RBFOX1: variants seen among roughly 807,000 people sequenced by gnomAD.
RBFOX1 encodes the protein RNA binding protein fox-1 homolog 1.
RBFOX1 carries 8 observed loss-of-function variants against 57.7 expected under a neutral mutation model. The observed-to-expected ratio is 0.14, with a 90% confidence interval of 0.08 to 0.25. The LOEUF (loss-of-function observed/expected upper bound fraction) is 0.25. Among genes scored for constraint, RBFOX1 ranks in the 10% least tolerant of loss-of-function variants. The pLI is 1.00. For missense variants in RBFOX1, 611 were observed against 548.5 expected (o/e 1.11, Z -1.14); for synonymous variants, 326 against 222.4 (o/e 1.47, Z -4.15).
intron 1 of RBFOX1, among the ~76,000 whole-genome samples, chr16:5,320,884 T>C (rs1210395791): frequency 1.3e-5 from 2 of 152,176 alleles, no homozygotes; most frequent in South Asian, 4.1e-4. Flanking sequence ...ACCATTACAT[T>C]CTGTCTCCTG....
intron 2 of RBFOX1, among the ~76,000 whole-genome samples, chr16:6,537,524 C>T (rs571579092): frequency 6.6e-6 from 1 of 152,106 alleles, no homozygotes; most frequent in Non-Finnish European, 1.5e-5. Flanking sequence ...GTGATGTGAT[C>T]GAGTTGCTGA....
chr16:6,060,953 C>G (rs2095677773), intron 1 of RBFOX1, among the ~76,000 whole-genome samples: 2 of 152,208 alleles, frequency 1.3e-5, no homozygotes, highest in Non-Finnish European at 2.9e-5. Flanking sequence ...CTGCCCTGAA[C>G]CCAGCCCTGC....
At chr16:5,791,188 G>T (rs149137374) in intron 3 of RBFOX1, among the ~76,000 whole-genome samples, 2 of 151,922 alleles carry the variant, frequency 1.3e-5, no homozygotes, top group Admixed American at 1.3e-4. Context: ...AATTTGTCAC[G>T]CATGACTCAG....
At chr16:7,349,141 A>G (rs757215731) in intron 4 of RBFOX1, among the ~76,000 whole-genome samples, 3 of 152,168 alleles carry the variant, frequency 2.0e-5, no homozygotes, top group Non-Finnish European at 4.4e-5. Flanking sequence ...ACACAAAACC[A>G]TCTCCTAGAG....
intron 1 of RBFOX1, among the ~76,000 whole-genome samples, chr16:6,034,331 CA>C (rs757260576): frequency 0.016 from 575 of 37,070 alleles, 1 homozygote; most frequent in African/African-American, 0.052. Flanking sequence ...GACTGTTGCG[CA>C]AAAAAAAAAA....
chr16:6,871,370 G>T (rs999459848), intron 3 of RBFOX1, among the ~76,000 whole-genome samples: 1 of 152,036 alleles, frequency 6.6e-6, no homozygotes, highest in Non-Finnish European at 1.5e-5. Flanking sequence ...ATTTTTAGTA[G>T]ACATAGGGTT....
chr16:7,006,709 A>G (rs930800846), intron 3 of RBFOX1, among the ~76,000 whole-genome samples: 3 of 152,116 alleles, frequency 2.0e-5, no homozygotes, highest in African/African-American at 4.8e-5. Flanking sequence ...TGGTCTCCCA[A>G]TGTGCTGGGA....
chr16:5,789,460 G>A (rs942116201), intron 3 of RBFOX1, among the ~76,000 whole-genome samples: 5 of 151,980 alleles, frequency 3.3e-5, no homozygotes, highest in African/African-American at 1.2e-4. Flanking sequence ...AGTGTGCATG[G>A]GCATGTATGG....
chr16:5,530,270 C>T (rs2044415067), intron 2 of RBFOX1, among the ~76,000 whole-genome samples: 1 of 152,170 alleles, frequency 6.6e-6, no homozygotes, highest in African/African-American at 2.4e-5. Context: ...CCACTATCTC[C>T]TACTTCTTAA....
chr16:6,061,553 TATG>T (rs2095686672), intron 1 of RBFOX1, among the ~76,000 whole-genome samples: 1 of 151,592 alleles, frequency 6.6e-6, no homozygotes, highest in Admixed American at 6.6e-5. Context: ...TATTAAATTA[TATG>T]ATTATACTAT....
At chr16:7,219,347 G>T (rs1455367519) in intron 4 of RBFOX1, among the ~76,000 whole-genome samples, 1 of 152,326 alleles carries the variant, frequency 6.6e-6, no homozygotes, top group Middle Eastern at 3.4e-3. Flanking sequence ...AGATCGAGCT[G>T]AATAAGTCAG....
At chr16:7,180,144 T>G (rs2082416776) in intron 4 of RBFOX1, among the ~76,000 whole-genome samples, 1 of 152,158 alleles carries the variant, frequency 6.6e-6, no homozygotes, top group Non-Finnish European at 1.5e-5. Flanking sequence ...TGTTAGCCAT[T>G]TTCTGCCTTG....
intron 3 of RBFOX1, chr16:5,610,408 G>A (rs568691844): frequency 2.6e-5 from 4 of 152,252 alleles, no homozygotes; most frequent in Non-Finnish European, 5.9e-5. Flanking sequence ...CGTGAGGCAA[G>A]GGAACTTCCC....
intron 1 of RBFOX1, among the ~76,000 whole-genome samples, chr16:5,425,790 C>T (rs1362704865): frequency 6.6e-6 from 1 of 152,148 alleles, no homozygotes; most frequent in Non-Finnish European, 1.5e-5. Flanking sequence ...CACCTGGAAC[C>T]CCCCACGTCC....
intron 3 of RBFOX1, among the ~76,000 whole-genome samples, chr16:5,606,581 A>G (rs903218665): frequency 1.1e-4 from 17 of 152,152 alleles, no homozygotes; most frequent in Non-Finnish European, 2.5e-4. Flanking sequence ...GAAGGTATGC[A>G]TATGAATAAG....
intron 4 of RBFOX1, among the ~76,000 whole-genome samples, chr16:7,119,812 G>A (rs1281464720): frequency 1.3e-5 from 2 of 151,976 alleles, no homozygotes; most frequent in Admixed American, 6.6e-5. Flanking sequence ...GAAAATTAAC[G>A]AGGCTGTAGA....
intron 1 of RBFOX1, among the ~76,000 whole-genome samples, chr16:5,387,045 C>G (rs767690031): frequency 2.1e-4 from 32 of 152,050 alleles, no homozygotes; most frequent in Non-Finnish European, 3.5e-4. Context: ...GAGTGAAACT[C>G]CATCTCAAAA....
At chr16:6,666,020 C>T (rs554677993) in intron 3 of RBFOX1, among the ~76,000 whole-genome samples, 2 of 152,062 alleles carry the variant, frequency 1.3e-5, no homozygotes, top group African/African-American at 4.8e-5. Context: ...ATAAGTCTCC[C>T]GAGATCTGAT....
intron 3 of RBFOX1, among the ~76,000 whole-genome samples, chr16:6,756,852 G>A (rs935278240): frequency 1.3e-5 from 2 of 152,056 alleles, no homozygotes; most frequent in African/African-American, 4.8e-5. Flanking sequence ...GCAGACACCT[G>A]TAGTCACAGC....
Sources: gnomAD v4.1 joint callset for allele counts (sites outside exome capture counted in the v4.1 genomes callset) on GRCh38, gnomAD v4.1.1 for gene constraint, MANE v1.5 for transcripts, NCBI Gene and HGNC (gene_info 2026-07-23, HGNC 2026-07-21) for gene names.